SNX25: variants seen among roughly 807,000 people sequenced by gnomAD.
SNX25 encodes sorting nexin 25.
A neutral mutation model predicts 113.7 loss-of-function variants in SNX25; 62 were observed. The observed-to-expected ratio is 0.55, with a 90% confidence interval of 0.44 to 0.67. SNX25 has a LOEUF of 0.67. Ranked by LOEUF, SNX25 falls within the 30% of genes least tolerant of loss-of-function variation. SNX25 has a pLI of 0.00. For synonymous variants in SNX25, 421 were observed against 436.2 expected (o/e 0.97, Z 0.43); for missense variants, 1,014 against 1,161.0 (o/e 0.87, Z 1.84).
chr4:185,267,985 A>G (rs1579549057), intron 5 of SNX25, among the ~76,000 whole-genome samples: 1 of 152,190 alleles, frequency 6.6e-6, no homozygotes, highest in East Asian at 1.9e-4. Flanking sequence ...TTCACATGGA[A>G]GTATGCTGAG....
chr4:185,291,338 G>A (rs941553611), intron 6 of SNX25, among the ~76,000 whole-genome samples: 2 of 151,976 alleles, frequency 1.3e-5, no homozygotes, highest in Admixed American at 6.6e-5. Context: ...CTGAAACTTC[G>A]TATCCGTTAA....
chr4:185,330,589 A>G (rs1022317593), intron 9 of SNX25, among the ~76,000 whole-genome samples: 1 of 152,154 alleles, frequency 6.6e-6, no homozygotes, highest in Admixed American at 6.5e-5. Context: ...AGTGACCCCT[A>G]TGAGTTTTAA....
intron 3 of SNX25, among the ~76,000 whole-genome samples, chr4:185,262,043 C>A (rs571679644): frequency 4.2e-4 from 64 of 152,278 alleles, no homozygotes; most frequent in Admixed American, 9.8e-4. Flanking sequence ...GTAAACAGTG[C>A]TTTGTCCTAG....
intron 6 of SNX25, among the ~76,000 whole-genome samples, chr4:185,301,165 A>G (rs915879132): frequency 6.6e-6 from 1 of 152,092 alleles, no homozygotes; most frequent in Non-Finnish European, 1.5e-5. Context: ...TGTCCTCCTC[A>G]GTCTCTTAGT....
chr4:185,286,407 G>A (rs980290873), intron 5 of SNX25, among the ~76,000 whole-genome samples: 2 of 152,148 alleles, frequency 1.3e-5, no homozygotes, highest in Non-Finnish European at 2.9e-5. Context: ...CACTGTGCCC[G>A]GCCTGGCCTG....
At chr4:185,279,146 TATATA>T (rs1212981277) in intron 5 of SNX25, among the ~76,000 whole-genome samples, 2 of 151,484 alleles carry the variant, frequency 1.3e-5, no homozygotes, top group African/African-American at 4.8e-5. Context: ...ATATACATAT[TATATA>T]TGTCTATTTT....
At chr4:185,377,292 G>T in the SNX25 span, 1 of 336,790 alleles carries the variant, frequency 3.0e-6, no homozygotes, top group East Asian at 5.6e-5. Flanking sequence ...GCCGAGGCGG[G>T]TGGATCACCT....
intron 5 of SNX25, among the ~76,000 whole-genome samples, chr4:185,277,572 G>A (rs73027739): frequency 2.7e-3 from 407 of 152,048 alleles, no homozygotes; most frequent in African/African-American, 9.1e-3. Context: ...GTGGACTTGG[G>A]GAGAGATTTG....
intron 16 of SNX25, among the ~76,000 whole-genome samples, 157 bp downstream of exon 16, chr4:185,357,894 C>T (rs746736550): frequency 6.6e-5 from 10 of 152,088 alleles, no homozygotes; most frequent in Non-Finnish European, 1.2e-4. Flanking sequence ...ATAGGAGAGT[C>T]GATTTCTAAA....
chr4:185,372,892 AT>A, downstream of SNX25: 1 of 1,609,994 alleles, frequency 6.2e-7, no homozygotes. Context: ...AAAAAATTTC[AT>A]CTTATAGTAA....
At chr4:185,256,843 C>T (rs1746510424) in intron 2 of SNX25, among the ~76,000 whole-genome samples, 1 of 151,984 alleles carries the variant, frequency 6.6e-6, no homozygotes, top group East Asian at 1.9e-4. Flanking sequence ...AGGCTGGTCT[C>T]AAGCTCCTGG....
chr4:185,342,357 G>A (rs541742284), intron 12 of SNX25, among the ~76,000 whole-genome samples: 2 of 152,204 alleles, frequency 1.3e-5, no homozygotes, highest in Admixed American at 6.5e-5. Context: ...AGCTGGAAGA[G>A]ACCTAAGGAT....
chr4:185,306,050 T>C (rs1020469473), intron 6 of SNX25, among the ~76,000 whole-genome samples: 1 of 152,182 alleles, frequency 6.6e-6, no homozygotes, highest in African/African-American at 2.4e-5. Context: ...TAACACTCTA[T>C]AGAGAAACAG....
chr4:185,326,937 C>T (rs1579802091), intron 9 of SNX25, among the ~76,000 whole-genome samples: 1 of 152,148 alleles, frequency 6.6e-6, no homozygotes, highest in African/African-American at 2.4e-5. Context: ...CTGGATGATA[C>T]CCCTTCAACT....
At chr4:185,206,937 T>C (rs1211193113), upstream of SNX25, among the ~76,000 whole-genome samples, 1 of 152,138 alleles carries the variant, frequency 6.6e-6, no homozygotes, top group African/African-American at 2.4e-5. Flanking sequence ...AGGCTGCTAG[T>C]GTAACCTGGA....
chr4:185,204,611 TCA>T (rs1410831693), upstream of SNX25: 1 of 152,246 alleles, frequency 6.6e-6, no homozygotes, highest in Non-Finnish European at 1.5e-5. Flanking sequence ...CGTGAATATG[TCA>T]CCTTATGTGG....
Position 185,210,057 on chromosome 4 carries a change from C to A in SNX25, c.231C>A (p.Gly77=). 1.0e-6 allele frequency: 1 copy of A among 983,112 alleles called. No individual in the cohort carries two copies. The highest frequency in any genetic ancestry group is 1.2e-6 in the Non-Finnish European group (1 of 828,596). The allele number at this position is 983,112 out of a possible 1,614,324, so 60.9% of individuals were successfully genotyped here. A position where few individuals can be genotyped will look rare whatever the true frequency, so the allele number is the denominator to read the frequency against. The change falls in exon 1 of 19, where the codon GGC becomes GGA. Residue 77 remains glycine, a synonymous_variant. Transcript: ENST00000652585. The surrounding 1 kb of genome is among the most constrained non-coding windows in gnomAD (Gnocchi z 4.4). ...TGGCCCTCTCCTTCCTGGGGCCCGG[C>A]AGCGGGGAGGCGGCGGGGGCCGCGG... The part of the protein sequence containing the change: ...AAVALSFLGP[G]SGEAAGAAGL...
In SNX25 at chr4:185,232,449, A is replaced by T. The variant is rs1343605426; in HGVS notation, c.430-14845A>T. ...CCCCTCCTCTGCATCCTGTTTGCTTATCATGACTTTCTAGGTGCATGAGCC... is the reference window on the plus strand; with the variant it reads ...CCCCTCCTCTGCATCCTGTTTGCTTTTCATGACTTTCTAGGTGCATGAGCC... On this transcript the variant is annotated intron_variant, in intron 1 of 18. Transcript: ENST00000652585. The surrounding 1 kb of genome is among the most constrained non-coding windows in gnomAD (Gnocchi z 4.4). Among the ~76,000 whole-genome samples, 2 of 152,080 alleles carry T rather than the reference A, an allele frequency of 1.3e-5. No individual in the cohort carries two copies. Among genetic ancestry groups the T allele is most frequent in the African/African-American group, 4.8e-5 (2 of 41,390 alleles).
At chr4:185,360,186 T>C (rs966302908) in intron 16 of SNX25, among the ~76,000 whole-genome samples, 1 of 152,242 alleles carries the variant, frequency 6.6e-6, no homozygotes, top group Non-Finnish European at 1.5e-5. Context: ...TTTAGGAAGC[T>C]AGGCAGGCAG....
Sources: allele counts gnomAD v4.1 joint callset (sites outside exome capture counted in the v4.1 genomes callset), GRCh38; gene constraint gnomAD v4.1.1; non-coding constraint Gnocchi (gnomAD v3.1); transcripts MANE v1.5; gene names NCBI Gene and HGNC (gene_info 2026-07-23, HGNC 2026-07-21).